Variants in ANKRD30A observed in about 807,000 individuals in gnomAD.
ANKRD30A encodes ankyrin repeat domain-containing protein 30A.
Under a neutral mutation model 166.3 loss-of-function variants are expected in ANKRD30A, and 170 were observed. The observed-to-expected ratio is 1.02, with a 90% CI of 0.90 to 1.16. The LOEUF (loss-of-function observed/expected upper bound fraction) is 1.16. Among genes scored for constraint, ANKRD30A ranks in the 50% most tolerant of loss-of-function variants. The pLI is 0.00. For missense variants in ANKRD30A, 1,630 were observed against 1,518.0 expected (o/e 1.07, Z -1.23); for synonymous variants, 564 against 508.9 (o/e 1.11, Z -1.46).
chr10:37,135,313 C>G (rs371008117), intron 5 of ANKRD30A: 23 of 152,300 alleles, frequency 1.5e-4, no homozygotes, highest in African/African-American at 5.3e-4. Flanking sequence ...ACAAGGATGA[C>G]ACACAAATCT....
At chr10:37,243,288 C>T in the ANKRD30A span, among the ~76,000 whole-genome samples, 2 of 147,964 alleles carry the variant, frequency 1.4e-5, no homozygotes, top group East Asian at 4.0e-4. Flanking sequence ...GCGCCTGCCA[C>T]CACGCCCACC....
chr10:37,151,059 A>AGCTC (rs1837897906), intron 11 of ANKRD30A, among the ~76,000 whole-genome samples: 1 of 126,158 alleles, frequency 7.9e-6, no homozygotes, highest in Admixed American at 8.3e-5. Flanking sequence ...AACATTAGGG[A>AGCTC]TGCTAAGATC....
At chr10:37,135,193 C>A (rs1034387271) in intron 5 of ANKRD30A, 1 of 152,166 alleles carries the variant, frequency 6.6e-6, no homozygotes, top group Non-Finnish European at 1.5e-5. Context: ...AGAGCTAAGC[C>A]TCATCCATCA....
chr10:37,223,829 A>C (rs1165169674), intron 34 of ANKRD30A, among the ~76,000 whole-genome samples: 1 of 151,224 alleles, frequency 6.6e-6, no homozygotes, highest in African/African-American at 2.4e-5. Context: ...AAGACTGAAG[A>C]TAGAAAAGAG....
At chr10:37,146,063 G>A (rs1837487694) in intron 8 of ANKRD30A, among the ~76,000 whole-genome samples, 1 of 152,280 alleles carries the variant, frequency 6.6e-6, no homozygotes, top group African/African-American at 2.4e-5. Context: ...AAAGACACAG[G>A]AAGTGCCTGA....
intron 14 of ANKRD30A, 34 bp from the exon 15 acceptor site, chr10:37,158,480 G>C (rs773510679): frequency 3.8e-5 from 62 of 1,613,074 alleles, no homozygotes; most frequent in Non-Finnish European, 5.2e-5. Flanking sequence ...AGTATACATT[G>C]TATATTAATT....
chr10:37,157,454 C>T (rs559917665), intron 13 of ANKRD30A, among the ~76,000 whole-genome samples: 2 of 152,324 alleles, frequency 1.3e-5, no homozygotes, highest in Non-Finnish European at 2.9e-5. Context: ...CAACATCTGC[C>T]TCCTGGGTTC....
At chr10:37,203,589 C>T (rs1164581753) in intron 31 of ANKRD30A, among the ~76,000 whole-genome samples, 1 of 152,094 alleles carries the variant, frequency 6.6e-6, no homozygotes, top group Non-Finnish European at 1.5e-5. Context: ...ACAGGGATGC[C>T]CTCTCTCACC....
At position 37,219,638 on chromosome 10, in the gene ANKRD30A, T is replaced by C; in HGVS notation, c.3926T>C (p.Val1309Ala). The change falls in exon 34 of 36, where the codon GTG (valine) becomes GCG (alanine). Residue 1309 changes from valine to alanine, a missense_variant. Transcript: ENST00000361713. Reference sequence around the variant, plus strand: ...ATGTATCAAAACGAACAAGATAATGTGAACAAACACACTGAACAGCAGGAG... The same window carrying C: ...ATGTATCAAAACGAACAAGATAATGCGAACAAACACACTGAACAGCAGGAG... The part of the protein sequence containing the change: ...EHMYQNEQDN[V>A]NKHTEQQESL... 1 of 1,610,046 alleles carries C rather than the reference T, an allele frequency of 6.2e-7. No individual in the cohort carries two copies. The highest frequency in any genetic ancestry group is 8.5e-7 in the Non-Finnish European group (1 of 1,177,544).
rs752210218 is a variant in ANKRD30A, at chr10:37,141,734, A to T, written c.837A>T (p.Gly279=). ...QNTNPEGTSA[G]TPDEAAPLAE... ...GTTTGGCAGAAGGAACATCTGCAGG[A>T]ACACCTGATGAGGCTGCACCCTTGG... Residue 279 remains glycine (G), a synonymous_variant, in exon 7 of 36, where the codon GGA becomes GGT. Coordinates refer to ENST00000361713, the MANE Select transcript of ANKRD30A (RefSeq NM_052997.3). 6 of 1,611,824 alleles carry T rather than the reference A, an allele frequency of 3.7e-6. No homozygotes were observed. In the African/African-American group the frequency reaches 5.3e-5, roughly 14 times the overall value.
chr10:37,256,003 C>T, the ANKRD30A span, among the ~76,000 whole-genome samples: 1 of 152,168 alleles, frequency 6.6e-6, no homozygotes. Context: ...TGTGTATTCT[C>T]GTTTCCTCCT....
chr10:37,151,525 C>A (rs1837936204), intron 11 of ANKRD30A, among the ~76,000 whole-genome samples: 1 of 151,980 alleles, frequency 6.6e-6, no homozygotes, highest in Admixed American at 6.6e-5. Context: ...ACACCCAAAA[C>A]ACACCCAATA....
At chr10:37,220,884 T>G (rs981575312) in intron 34 of ANKRD30A, among the ~76,000 whole-genome samples, 17 of 151,136 alleles carry the variant, frequency 1.1e-4, no homozygotes, top group African/African-American at 4.1e-4. Context: ...TCTAAAGCCT[T>G]TGAAATAAAA....
chr10:37,134,866 T>C (rs1339402034), intron 5 of ANKRD30A, among the ~76,000 whole-genome samples: 1 of 152,196 alleles, frequency 6.6e-6, no homozygotes, highest in Non-Finnish European at 1.5e-5. Context: ...GAAGTAATGT[T>C]ATAGGAAGAA....
intron 34 of ANKRD30A, among the ~76,000 whole-genome samples, chr10:37,227,711 T>C (rs1310006404): frequency 6.6e-6 from 1 of 151,996 alleles, no homozygotes; most frequent in African/African-American, 2.4e-5. Flanking sequence ...CCTTTGTTTC[T>C]CTATTCAAAC....
intron 8 of ANKRD30A, among the ~76,000 whole-genome samples, chr10:37,146,133 G>A (rs1024550240): frequency 7.9e-5 from 11 of 139,236 alleles, no homozygotes; most frequent in Non-Finnish European, 1.3e-4. Flanking sequence ...CAACAGACAA[G>A]CAGACTTTAT....
At chr10:37,199,038 C>T (rs1240788785) in intron 29 of ANKRD30A, among the ~76,000 whole-genome samples, 4 of 152,006 alleles carry the variant, frequency 2.6e-5, no homozygotes, top group East Asian at 3.9e-4. Flanking sequence ...TTTTCCTATA[C>T]ATTTCTCATG....
chr10:37,237,936 T>C, the ANKRD30A span, among the ~76,000 whole-genome samples: 3 of 152,174 alleles, frequency 2.0e-5, no homozygotes, highest in African/African-American at 7.2e-5. Flanking sequence ...TGTGTGGATT[T>C]AATAGGAAAG....
chr10:37,159,252 C>T (rs781104135), intron 15 of ANKRD30A, among the ~76,000 whole-genome samples: 6 of 152,258 alleles, frequency 3.9e-5, no homozygotes, highest in Non-Finnish European at 7.4e-5. Context: ...CATGGTGACA[C>T]GTGCCTGTAA....
Sources: gnomAD v4.1 joint callset for allele counts (sites outside exome capture counted in the v4.1 genomes callset) on GRCh38, gnomAD v4.1.1 for gene constraint, MANE v1.5 for transcripts, NCBI Gene and HGNC (gene_info 2026-07-23, HGNC 2026-07-21) for gene names.